The following CNBD1 variants were observed in gnomAD, a reference collection of about 807,000 sequenced individuals.
CNBD1 encodes the protein cyclic nucleotide-binding domain-containing protein 1.
CNBD1 carries 71 observed loss-of-function variants against 54.4 expected under a neutral mutation model. The ratio of observed to expected loss-of-function variants is 1.30; its 90% CI spans 1.08 to 1.59. The LOEUF is 1.59. Among genes scored for constraint, CNBD1 ranks in the 40% most tolerant of loss-of-function variants. CNBD1 has a pLI of 0.00. For missense variants in CNBD1, 659 were observed against 518.0 expected, an observed-to-expected ratio of 1.27 and a Z score of -2.64; for synonymous variants, 182 against 170.7, an observed-to-expected ratio of 1.07 and a Z score of -0.51.
chr8:87,240,223 A>G (rs368664313), intron 6 of CNBD1, among the ~76,000 whole-genome samples: 2 of 152,104 alleles, frequency 1.3e-5, no homozygotes, highest in Non-Finnish European at 2.9e-5. Flanking sequence ...AATTTAGCAA[A>G]ATTATAAAAG....
intron 10 of CNBD1, among the ~76,000 whole-genome samples, chr8:87,354,904 C>T (rs1158249234): frequency 6.6e-6 from 1 of 152,114 alleles, no homozygotes; most frequent in Non-Finnish European, 1.5e-5. Context: ...GATTTATAAT[C>T]CTTTGGGTAT....
chr8:87,389,922 A>G (rs991670096), intron 2 of CNBD1, among the ~76,000 whole-genome samples: 3 of 152,152 alleles, frequency 2.0e-5, no homozygotes, highest in African/African-American at 7.2e-5. Context: ...GGAACAGAAC[A>G]GAGCCCTCAG....
intron 1 of CNBD1, among the ~76,000 whole-genome samples, chr8:86,867,533 T>C (rs1808382488): frequency 6.6e-6 from 1 of 152,162 alleles, no homozygotes. Context: ...CTTGAAGGGG[T>C]ACACTGATGT....
intron 4 of CNBD1, among the ~76,000 whole-genome samples, chr8:87,146,684 G>A (rs1050018701): frequency 4.0e-5 from 6 of 151,898 alleles, no homozygotes; most frequent in African/African-American, 1.5e-4. Flanking sequence ...TCTTACTCCT[G>A]TCCACATTAG....
intron 5 of CNBD1, among the ~76,000 whole-genome samples, chr8:87,221,379 A>T (rs148680384): frequency 6.6e-6 from 1 of 152,238 alleles, no homozygotes; most frequent in East Asian, 1.9e-4. Context: ...CAAACTGGGT[A>T]ATTCACTGTT....
intron 6 of CNBD1, among the ~76,000 whole-genome samples, chr8:87,269,120 C>T (rs1808315950): frequency 6.6e-6 from 1 of 152,008 alleles, no homozygotes; most frequent in African/African-American, 2.4e-5. Context: ...GAAATGGGTC[C>T]AGTTTCCATT....
At chr8:87,129,555 C>G (rs1446597475) in intron 4 of CNBD1, among the ~76,000 whole-genome samples, 1 of 151,988 alleles carries the variant, frequency 6.6e-6, no homozygotes, top group East Asian at 1.9e-4. Flanking sequence ...TTAATTTTCT[C>G]TTTAGGTTAT....
chr8:87,272,150 T>G (rs56061497), intron 6 of CNBD1, among the ~76,000 whole-genome samples: 42,733 of 151,716 alleles, frequency 0.28, 6,465 homozygotes, highest in African/African-American at 0.39. Context: ...ACACTTAGAA[T>G]AAATAAGACC....
intron 4 of CNBD1, among the ~76,000 whole-genome samples, chr8:87,116,195 CTTT>C (rs71556428): frequency 0.025 from 1,849 of 74,312 alleles, 7 homozygotes; most frequent in African/African-American, 0.051. Context: ...ATTCTCATGT[CTTT>C]TTTTTTTTTT....
chr8:87,262,319 G>A (rs564197572), intron 6 of CNBD1, among the ~76,000 whole-genome samples: 1 of 152,216 alleles, frequency 6.6e-6, no homozygotes, highest in South Asian at 2.1e-4. Context: ...CTAATTACAG[G>A]TTTCTTTTTC....
downstream of CNBD1, among the ~76,000 whole-genome samples, chr8:87,383,047 A>C (rs1454374462): frequency 2.6e-5 from 4 of 152,068 alleles, no homozygotes; most frequent in Non-Finnish European, 1.5e-5. Flanking sequence ...GGGATTAAAA[A>C]AAATCTATAA....
At chr8:87,267,238 A>G (rs898090908) in intron 6 of CNBD1, among the ~76,000 whole-genome samples, 2 of 152,236 alleles carry the variant, frequency 1.3e-5, no homozygotes, top group African/African-American at 4.8e-5. Context: ...TGGCAAGTAC[A>G]AGTATGTTCA....
intron 4 of CNBD1, among the ~76,000 whole-genome samples, chr8:86,967,500 C>A (rs1808111193): frequency 6.6e-6 from 1 of 152,232 alleles, no homozygotes; most frequent in Admixed American, 6.5e-5. Flanking sequence ...ACCAACTGAG[C>A]CTCCCTTCTG....
intron 7 of CNBD1, among the ~76,000 whole-genome samples, chr8:87,286,240 A>C (rs1808696134): frequency 6.6e-6 from 1 of 152,216 alleles, no homozygotes; most frequent in African/African-American, 2.4e-5. Context: ...TTTATCAAAC[A>C]CAACTTTTTA....
intron 4 of CNBD1, 112 bp downstream of exon 4, chr8:86,939,866 C>T: frequency 1.5e-6 from 1 of 646,688 alleles, no homozygotes. Context: ...ATACAGCACT[C>T]ATGGTTGATT....
chr8:87,408,016 CTT>C (rs1807679271), intron 2 of CNBD1, among the ~76,000 whole-genome samples: 1 of 151,858 alleles, frequency 6.6e-6, no homozygotes, highest in African/African-American at 2.4e-5. Context: ...TGAATAGTAT[CTT>C]TTTTGTCCTT....
At position 87,002,539 on chromosome 8, in the gene CNBD1, A is replaced by G. The variant is rs544066124; in HGVS notation, c.431+62785A>G. The stretch of plus-strand genomic sequence containing the variant: ...GTGGTCTTCTTGCTGTTTCTCAAAA[A>G]TGCAAAATGTACCATCTCCTTTGCA... On this transcript the variant is annotated intron_variant, in intron 4 of 10. Coordinates refer to ENST00000518476, the MANE Select transcript of CNBD1 (RefSeq NM_173538.3). Among the ~76,000 whole-genome samples the G allele has an allele frequency of 7.9e-4, 120 of 151,744 alleles. 4 individuals are homozygous for G. The South Asian group carries it at 0.025, about 32-fold the overall frequency.
intron 4 of CNBD1, among the ~76,000 whole-genome samples, chr8:87,132,206 A>T (rs1812131075): frequency 6.6e-6 from 1 of 151,866 alleles, no homozygotes; most frequent in African/African-American, 2.4e-5. Flanking sequence ...ATGTTAAAAA[A>T]ACTAACAATA....
At chr8:87,313,305 T>C (rs1809308122) in intron 8 of CNBD1, among the ~76,000 whole-genome samples, 1 of 151,994 alleles carries the variant, frequency 6.6e-6, no homozygotes, top group African/African-American at 2.4e-5. Flanking sequence ...AAAATGTAAA[T>C]CAAATTGGAG....
Sources: gnomAD v4.1 joint callset for allele counts (sites outside exome capture counted in the v4.1 genomes callset) on GRCh38, gnomAD v4.1.1 for gene constraint, MANE v1.5 for transcripts, NCBI Gene and HGNC (gene_info 2026-07-23, HGNC 2026-07-21) for gene names.